Variants in RPL15 observed in about 807,000 individuals in gnomAD.
The protein encoded by RPL15 is ribosomal protein L15.
For missense variants in RPL15, 161 were observed against 271.8 expected (o/e 0.59, Z 2.87); for synonymous variants, 97 against 95.1 (o/e 1.02, Z -0.12).
chr3:23,922,226 T>C (rs929936549), downstream of RPL15: 3 of 152,230 alleles, frequency 2.0e-5, no homozygotes, highest in African/African-American at 4.8e-5. The surrounding 1 kb of genome is among the most constrained non-coding windows in gnomAD (Gnocchi z 4.2). Context: ...TCTTGGGTGA[T>C]AGAGCCAGAA....
rs757838005 is a variant in RPL15, at chr3:23,918,017, A to T, written c.158A>T (p.Tyr53Phe). Reference protein sequence around the residue: ...TRPDKARRLGYKAKQGYVIYR... With the variant: ...TRPDKARRLGFKAKQGYVIYR... ...CCTGATAAAGCGCGCCGACTGGGCT[A>T]CAAGGCCAAGCAAGGTACGTGATCG... Residue 53 changes from tyrosine to phenylalanine, a missense_variant, in exon 2 of 4, where the codon TAC becomes TTC. Physicochemically the swap from Tyr to Phe is conservative, Grantham distance 22 (BLOSUM62 3). Coordinates refer to ENST00000307839, the MANE Select transcript of RPL15 (RefSeq NM_002948.5). 7.5e-6 allele frequency: 12 copies of T among 1,609,560 alleles called. No homozygotes were observed. The highest frequency in any genetic ancestry group is 1.0e-5 in the Non-Finnish European group (12 of 1,178,600).
At chr3:23,917,786 A>G in intron 1 of RPL15, 64 bp from the exon 2 acceptor site, 8 of 1,471,108 alleles carry the variant, frequency 5.4e-6, no homozygotes, top group East Asian at 2.3e-5. Context: ...ACTAAGATGG[A>G]CGGATACAGT....
downstream of RPL15, among the ~76,000 whole-genome samples, chr3:23,921,438 A>G (rs1705074927): frequency 6.6e-6 from 1 of 152,198 alleles, no homozygotes; most frequent in South Asian, 2.1e-4. Flanking sequence ...TAATGCCTTT[A>G]TGATGGGAAA....
upstream of RPL15, chr3:23,916,744 A>G (rs1248845175): frequency 6.5e-6 from 1 of 152,794 alleles, no homozygotes; most frequent in Non-Finnish European, 1.5e-5. Flanking sequence ...GGAGACGCAG[A>G]GACTCCGCAG....
chr3:23,918,213 G>T (rs1292012738), intron 2 of RPL15, 182 bp downstream of exon 2: 3 of 950,694 alleles, frequency 3.2e-6, no homozygotes, highest in Non-Finnish European at 4.7e-6. Context: ...TGTGTCAAAG[G>T]TTACAAATCT....
downstream of RPL15, among the ~76,000 whole-genome samples, chr3:23,921,328 G>C (rs953970781): frequency 6.6e-6 from 1 of 152,132 alleles, no homozygotes; most frequent in East Asian, 1.9e-4. Context: ...CCTCATGATA[G>C]CTTTCATGAT....
In RPL15 at chr3:23,920,063, A is replaced by AAAC; in HGVS notation, c.*564_*566dup. On this transcript the variant is annotated 3_prime_UTR_variant, in exon 4 of 4. Transcript: ENST00000307839. ...GCATTCAGTGATTAGTGGTAATGGT[A>AAAC]AACACTGGTGTGTTTTGAAGTTGAA... The AAAC allele has an allele frequency of 1.0e-6, 1 of 986,072 alleles. No individual in the cohort carries two copies. The highest frequency in any genetic ancestry group is 1.2e-6 in the Non-Finnish European group (1 of 830,096). The allele number at this position is 986,072 out of a possible 1,614,324, so 61.1% of individuals were successfully genotyped here. A position where few individuals can be genotyped will look rare whatever the true frequency, so the allele number is the denominator to read the frequency against.
chr3:23,923,052 T>C (rs1705139751), downstream of RPL15: 1 of 152,130 alleles, frequency 6.6e-6, no homozygotes, highest in Non-Finnish European at 1.5e-5. Flanking sequence ...AATCTTCCTG[T>C]CTCTGCTTCC....
At position 23,917,835 on chromosome 3, in the gene RPL15, A is replaced by AG; in HGVS notation, c.-10-14dup. The AG allele has an allele frequency of 6.2e-7, 1 of 1,604,224 alleles. No homozygotes were observed. Among genetic ancestry groups the AG allele is most frequent in the Admixed American group, 1.7e-5 (1 of 58,438 alleles). Reference sequence around the variant, plus strand: ...TTAAAGCGGATGATATTTAATACACAGTTTGATTTCACAGGTAAGCCAAGA... The same window carrying AG: ...TTAAAGCGGATGATATTTAATACACAGGTTTGATTTCACAGGTAAGCCAAGA... On this transcript the variant is annotated splice_polypyrimidine_tract_variant and intron_variant, in intron 1 of 3. Transcript: ENST00000307839.
intron 1 of RPL15, 103 bp from the exon 2 acceptor site, chr3:23,917,747 C>T: frequency 1.7e-6 from 2 of 1,194,026 alleles, no homozygotes; most frequent in South Asian, 1.5e-5. Context: ...CATTTTCATT[C>T]CCGGCGGTTT....
At chr3:23,918,386 T>G in intron 2 of RPL15, 54 bp from the exon 3 acceptor site, 1 of 1,586,668 alleles carries the variant, frequency 6.3e-7, no homozygotes, top group Non-Finnish European at 8.6e-7. Flanking sequence ...CCATTGAGTC[T>G]TAAGCCTTAC....
Position 23,920,397 on chromosome 3 carries a change from G to GT in RPL15, c.*900dup. The GT allele has an allele frequency of 1.0e-6, 1 of 985,230 alleles. No individual in the cohort carries two copies. The highest frequency in any genetic ancestry group is 1.2e-6 in the Non-Finnish European group (1 of 829,878). 61.0% of individuals were successfully genotyped at this position (985,230 alleles called of 1,614,324 possible). A position where few individuals can be genotyped will look rare whatever the true frequency, so the allele number is the denominator to read the frequency against. ...AAGCGCATGGTTTCCAACCATATGT[G>GT]TTTTCTGCAGTTATTTCTCTTGTTC... On this transcript the variant is annotated 3_prime_UTR_variant, in exon 4 of 4. Coordinates refer to ENST00000307839, the MANE Select transcript of RPL15 (RefSeq NM_002948.5).
intron 2 of RPL15, 115 bp from the exon 3 acceptor site, chr3:23,918,325 G>C (rs1344518413): frequency 8.1e-7 from 1 of 1,228,524 alleles, no homozygotes. Flanking sequence ...TTTTCTATTA[G>C]ATAGCATTAA....
At position 23,919,674 on chromosome 3, in the gene RPL15, T is replaced by C; in HGVS notation, c.*173T>C. The stretch of plus-strand genomic sequence containing the variant: ...GAAGACAATAAGTGGTGGTGTATCT[T>C]GTTTCTAATAAGATAAACTTTTTTG... On this transcript the variant is annotated 3_prime_UTR_variant, in exon 4 of 4. Coordinates refer to ENST00000307839, the MANE Select transcript of RPL15 (RefSeq NM_002948.5). 1 of 1,399,650 alleles carries C rather than the reference T, an allele frequency of 7.1e-7. No homozygotes were observed. The highest frequency in any genetic ancestry group is 9.2e-7 in the Non-Finnish European group (1 of 1,082,016). The allele number at this position is 1,399,650 out of a possible 1,614,324, so 86.7% of individuals were successfully genotyped here. A position where few individuals can be genotyped will look rare whatever the true frequency, so the allele number is the denominator to read the frequency against.
Position 23,920,385 on chromosome 3 carries a change from C to G in RPL15, c.*884C>G, listed in dbSNP as rs1461049691. On this transcript the variant is annotated 3_prime_UTR_variant, in exon 4 of 4. Transcript: ENST00000307839. ...AGAAAAAGTCACAAGCGCATGGTTT[C>G]CAACCATATGTGTTTTCTGCAGTTA... 2.0e-6 allele frequency: 2 copies of G among 985,266 alleles called. No homozygotes were observed. The highest frequency in any genetic ancestry group is 2.4e-6 in the Non-Finnish European group (2 of 829,734). 61.0% of individuals were successfully genotyped at this position (985,266 alleles called of 1,614,324 possible).
chr3:23,917,769 T>C, intron 1 of RPL15, 81 bp from the exon 2 acceptor site: 3 of 1,378,504 alleles, frequency 2.2e-6, no homozygotes, highest in Non-Finnish European at 3.0e-6. Context: ...CTTGTTTTTG[T>C]TGGGGAACTA....
chr3:23,918,399 C>T (rs1704817223), intron 2 of RPL15, 41 bp from the exon 3 acceptor site: 2 of 1,602,036 alleles, frequency 1.2e-6, no homozygotes, highest in Admixed American at 3.4e-5. Context: ...AGCCTTACGG[C>T]TTCCTATAAA....
In RPL15 at chr3:23,920,186, A is replaced by G. The variant is rs1704994570; in HGVS notation, c.*685A>G. 2.0e-6 allele frequency: 2 copies of G among 985,466 alleles called. No individual in the cohort carries two copies. Among genetic ancestry groups the G allele is most frequent in the South Asian group, 9.4e-5 (2 of 21,292 alleles). The allele number at this position is 985,466 out of a possible 1,614,324, so 61.0% of individuals were successfully genotyped here. On this transcript the variant is annotated 3_prime_UTR_variant, in exon 4 of 4. Coordinates refer to ENST00000307839, the MANE Select transcript of RPL15 (RefSeq NM_002948.5). ...GTGGCCATTAGATAAATACCTTTCA[A>G]GTGTGAGCTTAGACGTCAACCCTAA...
rs899567598 is a variant in RPL15, at chr3:23,920,363, A to G, written c.*862A>G. On this transcript the variant is annotated 3_prime_UTR_variant, in exon 4 of 4. Transcript: ENST00000307839. ...TCTGTCCACTCCCATAGGCTACAGA[A>G]AAAGTCACAAGCGCATGGTTTCCAA... is the stretch of plus-strand genomic sequence containing the variant. 5 of 985,404 alleles carry G rather than the reference A, an allele frequency of 5.1e-6. No homozygotes were observed. The African/African-American group carries it at 7.0e-5, about 14-fold the overall frequency. 61.0% of individuals were successfully genotyped at this position (985,404 alleles called of 1,614,324 possible).
Sources: gnomAD v4.1 joint callset for allele counts (sites outside exome capture counted in the v4.1 genomes callset) on GRCh38, gnomAD v4.1.1 for gene constraint, Gnocchi (gnomAD v3.1) non-coding constraint, MANE v1.5 for transcripts, NCBI Gene and HGNC (gene_info 2026-07-23, HGNC 2026-07-21) for gene names.